The following ZNF426 variants were observed in gnomAD, a reference collection of about 807,000 sequenced individuals.
ZNF426 encodes CTC-543D15.7.
ZNF426 carries 23 observed loss-of-function variants against 24.0 expected under a neutral mutation model. The ratio of observed to expected loss-of-function variants is 0.96; its 90% confidence interval spans 0.69 to 1.36. ZNF426 has a LOEUF of 1.36. Ranked by LOEUF, ZNF426 falls within the 40% of genes most tolerant of loss-of-function variation. The pLI is 0.00. For synonymous variants in ZNF426, 272 were observed against 224.6 expected, an observed-to-expected ratio of 1.21 and a Z score of -1.89; for missense variants, 646 against 658.4, an observed-to-expected ratio of 0.98 and a Z score of 0.21.
At chr19:9,532,679 A>C (rs1246297693) in intron 6 of ZNF426, among the ~76,000 whole-genome samples, 166 bp downstream of exon 6, 2 of 152,120 alleles carry the variant, frequency 1.3e-5, no homozygotes, top group Non-Finnish European at 2.9e-5. Context: ...ACAAGGGGGG[A>C]CTGCTCTGTA....
rs755611696 is a variant in ZNF426 at position 9,528,411 on chromosome 19, C to T, written c.1634G>A (p.Arg545His). 1.3e-5 allele frequency: 21 copies of T among 1,599,470 alleles called. No homozygotes were observed. Among genetic ancestry groups the T allele is most frequent in the South Asian group, 4.5e-5 (4 of 88,700 alleles). Residue 545 changes from arginine to histidine, a missense_variant, in exon 8 of 8, where the codon CGT (arginine) becomes CAT (histidine). Transcript: ENST00000253115. The stretch of plus-strand genomic sequence containing the variant: ...AATTTGTTCATGTCTTCGAAGTGAA[C>T]GGGGATGACTGTAAGCTTTCCCGCA... Reference protein sequence around the residue: ...QQCGKAYSHPRSLRRHEQIH With the variant: ...QQCGKAYSHPHSLRRHEQIH
chr19:9,531,222 T>C (rs900362178), intron 6 of ZNF426, among the ~76,000 whole-genome samples, 155 bp from the exon 7 acceptor site: 1 of 151,876 alleles, frequency 6.6e-6, no homozygotes, highest in South Asian at 2.1e-4. Flanking sequence ...CCACCTCTAC[T>C]AAAAATTCAA....
chr19:9,534,729 G>A (rs1442482715), intron 4 of ZNF426, among the ~76,000 whole-genome samples: 1 of 152,014 alleles, frequency 6.6e-6, no homozygotes, highest in Non-Finnish European at 1.5e-5. Context: ...AAAGTAGCTG[G>A]GAGTCCAGTC....
At position 9,526,232 on chromosome 19, in the gene ZNF426, A is replaced by C. The variant is rs2144761567; in HGVS notation, c.*2148T>G. The C allele has an allele frequency of 6.6e-6, 1 of 151,462 alleles. No individual in the cohort carries two copies. The highest frequency in any genetic ancestry group is 1.9e-4 in the East Asian group (1 of 5,170). The allele number at this position is 151,462 out of a possible 1,614,324, so 9.4% of individuals were successfully genotyped here. On this transcript the variant is annotated 3_prime_UTR_variant, in exon 8 of 8. Coordinates refer to ENST00000253115, the MANE Select transcript of ZNF426 (RefSeq NM_024106.3). ...TTATCCAGTATGCCATGTCCAGCTA[A>C]GGAAAAATTACAAGCATACTAAAAG...
chr19:9,528,646 T>A lies in ZNF426; in HGVS notation c.1399A>T (p.Met467Leu), dbSNP rs1555782956. 2 of 1,614,012 alleles carry A rather than the reference T, an allele frequency of 1.2e-6. No individual in the cohort carries two copies. Among genetic ancestry groups the A allele is most frequent in the Admixed American group, 3.3e-5 (2 of 59,990 alleles). ...FNYSTHLKIH[M>L]RIHTGEKPYE... The stretch of plus-strand genomic sequence containing the variant: ...GGTTTTTCTCCAGTGTGGATTCGCA[T>A]GTGAATTTTAAGGTGGGTGGAATAG... The change falls in exon 8 of 8, where the codon ATG becomes TTG. Residue 467 changes from methionine to leucine, a missense_variant. Coordinates refer to ENST00000253115, the MANE Select transcript of ZNF426 (RefSeq NM_024106.3).
Position 9,523,400 on chromosome 19 carries a change from GC to G in ZNF426, c.*4979del, listed in dbSNP as rs2073761620. 1 of 152,124 alleles carries G rather than the reference GC, an allele frequency of 6.6e-6. No individual in the cohort carries two copies. The highest frequency in any genetic ancestry group is 1.5e-5 in the Non-Finnish European group (1 of 68,016). The allele number at this position is 152,124 out of a possible 1,614,324, so 9.4% of individuals were successfully genotyped here. On this transcript the variant is annotated 3_prime_UTR_variant, in exon 8 of 8. Transcript: ENST00000253115. ...TCACTTCACATAAAATTCTGTGCCT[GC>G]TACCCTGGTATCTCTTTCACTTCTT...
At chr19:9,534,917 C>T (rs2073942309) in intron 4 of ZNF426, among the ~76,000 whole-genome samples, 1 of 151,992 alleles carries the variant, frequency 6.6e-6, no homozygotes, top group Admixed American at 6.6e-5. Context: ...CAAGTTAGCA[C>T]CTCCCTATAT....
Position 9,525,228 on chromosome 19 carries a change from G to T in ZNF426, c.*3152C>A, listed in dbSNP as rs1202269905. On this transcript the variant is annotated 3_prime_UTR_variant, in exon 8 of 8. Transcript: ENST00000253115. ...CGCACCACTGCACTCCAGCCTGGGC[G>T]ACAGAGCGAGACTCCGTCTCAAAAA... 6.6e-6 allele frequency: 1 copy of T among 150,714 alleles called. No individual in the cohort carries two copies. The highest frequency in any genetic ancestry group is 2.4e-5 in the African/African-American group (1 of 40,870). 9.3% of individuals were successfully genotyped at this position (150,714 alleles called of 1,614,324 possible). A position where few individuals can be genotyped will look rare whatever the true frequency, so the allele number is the denominator to read the frequency against.
intron 4 of ZNF426, among the ~76,000 whole-genome samples, chr19:9,534,211 CTCT>C (rs2144775827): frequency 6.6e-6 from 1 of 152,140 alleles, no homozygotes; most frequent in African/African-American, 2.4e-5. Context: ...ACTAGGAGAT[CTCT>C]TTTTTTTTTG....
At chr19:9,536,377 T>C in intron 2 of ZNF426, 21 bp from the exon 3 acceptor site, 1 of 1,558,984 alleles carries the variant, frequency 6.4e-7, no homozygotes, top group South Asian at 1.2e-5. Flanking sequence ...TAATCAATAA[T>C]CAACAAGCAG....
At chr19:9,530,937 G>C (rs1239995239) in intron 7 of ZNF426, 48 bp downstream of exon 7, 1 of 1,480,788 alleles carries the variant, frequency 6.8e-7, no homozygotes, top group South Asian at 1.1e-5. Context: ...CAGAATTCCT[G>C]ATTTTCTCTG....
At chr19:9,534,598 T>A (rs541118782) in intron 4 of ZNF426, among the ~76,000 whole-genome samples, 1 of 151,726 alleles carries the variant, frequency 6.6e-6, no homozygotes, top group Non-Finnish European at 1.5e-5. Context: ...GGACACTTTT[T>A]TTTTTAATTT....
At chr19:9,538,178 C>T (rs137991219) in intron 2 of ZNF426, 81 bp downstream of exon 2, 1 of 152,106 alleles carries the variant, frequency 6.6e-6, no homozygotes, top group Non-Finnish European at 1.5e-5. Flanking sequence ...TAAGACGAAA[C>T]CAAACTTACA....
rs757016192 is a variant in ZNF426, at chr19:9,529,519, A to G, written c.526T>C (p.Cys176Arg). The G allele has an allele frequency of 6.2e-7, 1 of 1,613,102 alleles. No individual in the cohort carries two copies. Among genetic ancestry groups the G allele is most frequent in the Non-Finnish European group, 8.5e-7 (1 of 1,180,014 alleles). Residue 176 changes from cysteine to arginine, a missense_variant, in exon 8 of 8, where the codon TGT (cysteine) becomes CGT (arginine). Transcript: ENST00000253115. ...AGGAAATCTTTTCCATACTGATTAC[A>G]GTCATGAGTGTTCCCTGTACTTTGA... ...RTQSTGNTHD[C>R]NQYGKDFLTL...
chr19:9,531,496 G>C (rs1416857132), intron 6 of ZNF426, among the ~76,000 whole-genome samples: 1 of 152,146 alleles, frequency 6.6e-6, no homozygotes, highest in Non-Finnish European at 1.5e-5. Flanking sequence ...AAGACATTTG[G>C]GGATTTGGGC....
intron 3 of ZNF426, among the ~76,000 whole-genome samples, chr19:9,535,981 C>G (rs1176419041): frequency 6.6e-6 from 1 of 151,978 alleles, no homozygotes; most frequent in Non-Finnish European, 1.5e-5. Flanking sequence ...AAACATATAC[C>G]CAGAGCATGG....
In ZNF426 at chr19:9,533,908, A is replaced by C; in HGVS notation, c.176T>G (p.Leu59Arg). The C allele has an allele frequency of 6.2e-7, 1 of 1,614,138 alleles. No individual in the cohort carries two copies. The highest frequency in any genetic ancestry group is 8.5e-7 in the Non-Finnish European group (1 of 1,180,018). The change falls in exon 5 of 8, where the codon CTG (leucine) becomes CGG (arginine). Residue 59 changes from leucine to arginine, a missense_variant. By Grantham distance (102) the Leu-to-Arg change is moderately radical (BLOSUM62 -2). Coordinates refer to ENST00000253115, the MANE Select transcript of ZNF426 (RefSeq NM_024106.3). ...GTAGAGGCTTCTCTGAGTTGAGTCC[A>C]GTAAAGTCCACTCCTCCTGGGTGAA... The part of the protein sequence containing the change: ...VDFTQEEWTL[L>R]DSTQRSLYSD...
At chr19:9,532,285 T>TC (rs1029234373) in intron 6 of ZNF426, among the ~76,000 whole-genome samples, 4 of 146,954 alleles carry the variant, frequency 2.7e-5, no homozygotes. Context: ...TTTCTTTTTT[T>TC]TTTTTTTTTT....
At chr19:9,536,149 C>T in intron 3 of ZNF426, 59 bp downstream of exon 3, 1 of 1,610,642 alleles carries the variant, frequency 6.2e-7, no homozygotes, top group Non-Finnish European at 8.5e-7. Flanking sequence ...ACCACTAGAC[C>T]CTATATTGTG....
Sources: gnomAD v4.1 joint callset for allele counts (sites outside exome capture counted in the v4.1 genomes callset) on GRCh38, gnomAD v4.1.1 for gene constraint, MANE v1.5 for transcripts, NCBI Gene and HGNC (gene_info 2026-07-23, HGNC 2026-07-21) for gene names.